Variants in RAB8B observed in about 807,000 individuals in gnomAD.
RAB8B encodes ras-related protein Rab-8B.
In RAB8B, 11 loss-of-function variants were observed where a neutral mutation model predicts 32.0. The ratio of observed to expected loss-of-function variants is 0.34; its 90% confidence interval spans 0.22 to 0.57. RAB8B has a LOEUF of 0.57. RAB8B is among the 20% of genes least tolerant of loss of function. RAB8B has a pLI of 0.86. For synonymous variants in RAB8B, 103 were observed against 89.6 expected, an observed-to-expected ratio of 1.15 and a Z score of -0.85; for missense variants, 190 against 258.5, an observed-to-expected ratio of 0.73 and a Z score of 1.82.
At chr15:63,201,150 T>C (rs2037645596) in intron 1 of RAB8B, among the ~76,000 whole-genome samples, 1 of 152,196 alleles carries the variant, frequency 6.6e-6, no homozygotes, top group Non-Finnish European at 1.5e-5. Flanking sequence ...TTTCACTAAA[T>C]TCACTCATTC....
At chr15:63,208,885 C>T (rs550839586) in intron 1 of RAB8B, among the ~76,000 whole-genome samples, 1 of 136,308 alleles carries the variant, frequency 7.3e-6, no homozygotes, top group East Asian at 2.1e-4. Flanking sequence ...CCCTCCACTC[C>T]CACGATAATT....
intron 1 of RAB8B, among the ~76,000 whole-genome samples, chr15:63,193,613 C>T (rs1305621391): frequency 1.3e-5 from 2 of 152,076 alleles, no homozygotes; most frequent in African/African-American, 4.8e-5. Context: ...AGATTGAGAC[C>T]ATCCCGGCTA....
intron 1 of RAB8B, among the ~76,000 whole-genome samples, chr15:63,191,398 A>G (rs2037555018): frequency 6.6e-6 from 1 of 152,204 alleles, no homozygotes; most frequent in African/African-American, 2.4e-5. Flanking sequence ...TGAATGGTCT[A>G]AAATCTCCTG....
chr15:63,249,060 G>A (rs2038093973), intron 2 of RAB8B, among the ~76,000 whole-genome samples: 1 of 152,168 alleles, frequency 6.6e-6, no homozygotes, highest in Non-Finnish European at 1.5e-5. Flanking sequence ...TGTTGTTTAT[G>A]TTTAAAAGTC....
chr15:63,254,650 C>T (rs2038145296), intron 3 of RAB8B, among the ~76,000 whole-genome samples: 2 of 152,080 alleles, frequency 1.3e-5, no homozygotes, highest in Admixed American at 1.3e-4. Flanking sequence ...CGGTGGCTCA[C>T]ACCTGTAATC....
chr15:63,249,994 G>T (rs2038103099), intron 3 of RAB8B, among the ~76,000 whole-genome samples: 1 of 152,066 alleles, frequency 6.6e-6, no homozygotes, highest in African/African-American at 2.4e-5. Context: ...AAATTAGCCG[G>T]GCGCGGTGGT....
chr15:63,202,808 A>G (rs1443971805), intron 1 of RAB8B, among the ~76,000 whole-genome samples: 2 of 152,254 alleles, frequency 1.3e-5, no homozygotes, highest in East Asian at 3.8e-4. Context: ...TCGCAGACAC[A>G]GTAGCATTGT....
chr15:63,242,434 G>A (rs887649640), intron 1 of RAB8B, among the ~76,000 whole-genome samples: 7 of 152,094 alleles, frequency 4.6e-5, no homozygotes, highest in African/African-American at 1.7e-4. Context: ...TAACACTTTG[G>A]GAGGCCGAGG....
chr15:63,256,765 G>T (rs186675674), intron 5 of RAB8B, among the ~76,000 whole-genome samples, 171 bp downstream of exon 5: 2 of 152,054 alleles, frequency 1.3e-5, no homozygotes, highest in East Asian at 1.9e-4. Context: ...ATTAGTATTC[G>T]AGATCCAGCT....
chr15:63,223,222 C>T (rs2037859451), intron 1 of RAB8B: 1 of 360,336 alleles, frequency 2.8e-6, no homozygotes, highest in African/African-American at 2.2e-5. Flanking sequence ...AGCGATTCTC[C>T]TGCCTCAGCC....
chr15:63,256,098 T>G (rs1441885705), intron 4 of RAB8B, among the ~76,000 whole-genome samples: 1 of 152,242 alleles, frequency 6.6e-6, no homozygotes, highest in African/African-American at 2.4e-5. Flanking sequence ...GAAAGAAATC[T>G]GACTCTGAAA....
At chr15:63,234,527 C>T (rs1176050862) in intron 1 of RAB8B, among the ~76,000 whole-genome samples, 1 of 152,146 alleles carries the variant, frequency 6.6e-6, no homozygotes, top group African/African-American at 2.4e-5. Context: ...GGACTTGGGC[C>T]AGGTTGAAAG....
At chr15:63,247,613 T>C (rs1390949258) in intron 2 of RAB8B, among the ~76,000 whole-genome samples, 4 of 152,224 alleles carry the variant, frequency 2.6e-5, no homozygotes, top group Non-Finnish European at 2.9e-5. Flanking sequence ...GCTGATCTAA[T>C]GTGTATTGAT....
chr15:63,219,803 T>C (rs748440621), intron 1 of RAB8B, among the ~76,000 whole-genome samples: 5 of 152,218 alleles, frequency 3.3e-5, no homozygotes, highest in Non-Finnish European at 5.9e-5. Context: ...TGAGCCTATA[T>C]TGATGGAAGG....
chr15:63,238,751 A>G lies in RAB8B; in HGVS notation c.125-6005A>G, dbSNP rs190969767. ...AGCCTATGGATTCTAGGAGTGACCC[A>G]GCTCCAGGGATAGGACTTGATTAAT... On this transcript the variant is annotated intron_variant, in intron 1 of 7. Transcript: ENST00000321437. 2.8e-3 allele frequency among the ~76,000 whole-genome samples: 427 copies of G among 152,252 alleles called. 1 individual carries two copies. Among genetic ancestry groups the G allele is most frequent in the Middle Eastern group, 0.01 (3 of 294 alleles).
chr15:63,254,764 T>C (rs1373041099), intron 3 of RAB8B, among the ~76,000 whole-genome samples: 1 of 151,998 alleles, frequency 6.6e-6, no homozygotes, highest in Non-Finnish European at 1.5e-5. Context: ...TACAAAAAAT[T>C]AGCTGTGTGT....
At chr15:63,232,738 C>G (rs184486269) in intron 1 of RAB8B, among the ~76,000 whole-genome samples, 129 of 151,868 alleles carry the variant, frequency 8.5e-4, no homozygotes, top group Non-Finnish European at 1.3e-3. Flanking sequence ...ACCATTTGTC[C>G]CCCTTAAAAA....
chr15:63,217,812 T>C (rs2037806726), intron 1 of RAB8B, among the ~76,000 whole-genome samples: 1 of 151,936 alleles, frequency 6.6e-6, no homozygotes, highest in Non-Finnish European at 1.5e-5. Context: ...CCACTTAGTA[T>C]CTATATCAAA....
At chr15:63,228,952 G>A (rs2141126598) in intron 1 of RAB8B, among the ~76,000 whole-genome samples, 1 of 152,268 alleles carries the variant, frequency 6.6e-6, no homozygotes, top group East Asian at 1.9e-4. Context: ...AATATACTTA[G>A]CCTAACATAG....
Sources: allele counts gnomAD v4.1 joint callset (sites outside exome capture counted in the v4.1 genomes callset), GRCh38; gene constraint gnomAD v4.1.1; transcripts MANE v1.5; gene names NCBI Gene and HGNC (gene_info 2026-07-23, HGNC 2026-07-21).